Variants in PPP2R1B observed in about 807,000 individuals in gnomAD.
PPP2R1B encodes protein phosphatase 2 scaffold subunit Abeta.
PPP2R1B carries 58 observed loss-of-function variants against 72.7 expected under a neutral mutation model. The ratio of observed to expected loss-of-function variants is 0.80; its 90% confidence interval spans 0.65 to 0.99. The LOEUF (loss-of-function observed/expected upper bound fraction) is 0.99, where lower values mean the gene tolerates loss of function less well. Among genes scored for constraint, PPP2R1B ranks in the 50% least tolerant of loss-of-function variants. PPP2R1B has a pLI of 0.00. For missense variants in PPP2R1B, 695 were observed against 733.6 expected (o/e 0.95, Z 0.61); for synonymous variants, 256 against 264.6 (o/e 0.97, Z 0.32).
intron 12 of PPP2R1B, 92 bp from the exon 13 acceptor site, chr11:111,742,757 A>G (rs1944569261): frequency 1.7e-6 from 2 of 1,200,192 alleles, no homozygotes; most frequent in East Asian, 2.7e-5. Context: ...AAAATAATTG[A>G]CCAATAGGAA....
At chr11:111,737,561 G>A (rs762648348), downstream of PPP2R1B, 6 of 1,614,170 alleles carry the variant, frequency 3.7e-6, no homozygotes, top group South Asian at 3.3e-5. Flanking sequence ...CTCAGCCTTT[G>A]TGCCACCACT....
chr11:111,740,960 C>A lies in PPP2R1B; in HGVS notation c.*636G>T, dbSNP rs1944496614. The A allele has an allele frequency of 5.1e-6, 5 of 985,318 alleles. No homozygotes were observed. In the South Asian group the frequency reaches 1.4e-4, roughly 28 times the overall value. The allele number at this position is 985,318 out of a possible 1,614,324, so 61.0% of individuals were successfully genotyped here. ...ATCACACATTAGCAGCAAGATGCAG[C>A]CACACTTCAGGTTTCTGAATGACAT... On this transcript the variant is annotated 3_prime_UTR_variant, in exon 15 of 15. Coordinates refer to ENST00000527614, the MANE Select transcript of PPP2R1B (RefSeq NM_002716.5).
rs1349791665 is a variant in PPP2R1B, at chr11:111,760,327, C to T, written c.540-376G>A. Among the ~76,000 whole-genome samples, 4 of 152,186 alleles carry T rather than the reference C, an allele frequency of 2.6e-5. No homozygotes were observed. The South Asian group carries it at 6.2e-4, about 24-fold the overall frequency. ...CCTTCTGAGTAGCTAGAAATACAGGCGGGTCCCACCATGCCCAGCTAATTT... is the reference window on the plus strand; with the variant it reads ...CCTTCTGAGTAGCTAGAAATACAGGTGGGTCCCACCATGCCCAGCTAATTT... On this transcript the variant is annotated intron_variant, in intron 4 of 14. Transcript: ENST00000527614.
rs1344892686 is a variant in PPP2R1B at position 111,739,309 on chromosome 11, T to A, written c.*2287A>T. 1 of 978,132 alleles carries A rather than the reference T, an allele frequency of 1.0e-6. No individual in the cohort carries two copies. Among genetic ancestry groups the A allele is most frequent in the Admixed American group, 6.3e-5 (1 of 15,954 alleles). The allele number at this position is 978,132 out of a possible 1,614,324, so 60.6% of individuals were successfully genotyped here. On this transcript the variant is annotated 3_prime_UTR_variant, in exon 15 of 15. Transcript: ENST00000527614. ...TCCTAAAGCCTATATTCCAGTGAAA[T>A]CAAGATAGGAGAACTTTTCCCTTAA...
chr11:111,737,301 G>A (rs575279066), downstream of PPP2R1B: 987 of 1,208,396 alleles, frequency 8.2e-4, 3 homozygotes, highest in South Asian at 1.5e-3. Context: ...ATCTACTCCC[G>A]GCCCTTAAAA....
intron 13 of PPP2R1B, 178 bp from the exon 14 acceptor site, chr11:111,742,322 A>ACCG: frequency 1.5e-6 from 1 of 675,986 alleles, no homozygotes; most frequent in Non-Finnish European, 2.3e-6. Context: ...AGCTTCAGAC[A>ACCG]AGGATCTACA....
Position 111,742,132 on chromosome 11 carries a change from T to C in PPP2R1B, c.1710A>G (p.Gly570=). 1 of 1,612,616 alleles carries C rather than the reference T, an allele frequency of 6.2e-7. No homozygotes were observed. The highest frequency in any genetic ancestry group is 1.7e-5 in the Admixed American group (1 of 60,026). ...GPILDTNALQ[G]EVKPVLQKLG... is the part of the protein sequence containing the mutation. ...ACTTCTGTAGTACTGGCTTCACTTC[T>C]CCCTGTAAAGCACTGACATTCAAAA... Residue 570 remains glycine (G), a synonymous_variant, in exon 14 of 15, where the codon GGA becomes GGG. Transcript: ENST00000527614.
the PPP2R1B span, among the ~76,000 whole-genome samples, chr11:111,717,433 TCAA>T: frequency 6.1e-5 from 9 of 146,554 alleles, no homozygotes; most frequent in Middle Eastern, 3.4e-3. Context: ...TATTAAAAAG[TCAA>T]CAACAACAGA....
intron 6 of PPP2R1B, 70 bp downstream of exon 6, chr11:111,755,225 C>T: frequency 6.5e-7 from 1 of 1,546,210 alleles, no homozygotes; most frequent in Non-Finnish European, 8.7e-7. Flanking sequence ...AATTCAGAAA[C>T]TTTGGGTACA....
the PPP2R1B span, chr11:111,720,059 A>G: frequency 1.2e-5 from 19 of 1,534,806 alleles, no homozygotes; most frequent in African/African-American, 8.2e-5. Context: ...TCATACTCCA[A>G]TTGCCAACAA....
At chr11:111,703,151 C>A in the PPP2R1B span, 1 of 1,547,130 alleles carries the variant, frequency 6.5e-7, no homozygotes. Context: ...AGCAAATAAC[C>A]CTGAAGTGCA....
chr11:111,719,413 C>T, the PPP2R1B span, among the ~76,000 whole-genome samples: 23 of 132,950 alleles, frequency 1.7e-4, no homozygotes, highest in African/African-American at 6.2e-4. Flanking sequence ...AAAAACAACT[C>T]ATCTTCCCCC....
downstream of PPP2R1B, among the ~76,000 whole-genome samples, chr11:111,723,105 A>G (rs1943854506): frequency 6.6e-6 from 1 of 152,224 alleles, no homozygotes; most frequent in Non-Finnish European, 1.5e-5. Flanking sequence ...GTGTGCCCAC[A>G]GCCTCGCTAG....
At chr11:111,737,460 C>T (rs116343261), downstream of PPP2R1B, 8 of 1,614,262 alleles carry the variant, frequency 5.0e-6, no homozygotes, top group East Asian at 1.8e-4. Flanking sequence ...TCCCCATGTC[C>T]TCTCCAGGCA....
At position 111,738,149 on chromosome 11, in the gene PPP2R1B, G is replaced by GA. The variant is rs1303764374; in HGVS notation, c.*3446dup. On this transcript the variant is annotated 3_prime_UTR_variant, in exon 15 of 15. Transcript: ENST00000527614. ...AACAGGAATACTGGAGAATCAAAGGGAAACAGTTACATCACATCAGACTGC... is the reference window on the plus strand; with the variant it reads ...AACAGGAATACTGGAGAATCAAAGGGAAAACAGTTACATCACATCAGACTGC... 6.1e-6 allele frequency: 6 copies of GA among 987,268 alleles called. No individual in the cohort carries two copies. The African/African-American group carries it at 1.0e-4, about 17-fold the overall frequency. 61.2% of individuals were successfully genotyped at this position (987,268 alleles called of 1,614,324 possible).
downstream of PPP2R1B, chr11:111,723,704 C>A (rs1476387695): frequency 1.9e-6 from 3 of 1,614,054 alleles, no homozygotes; most frequent in Non-Finnish European, 2.5e-6. Context: ...CGAGCAGATG[C>A]AATACAGCCC....
chr11:111,726,913 T>C (rs1943986655), exon 16 of PPP2R1B: 2 of 1,576,752 alleles, frequency 1.3e-6, no homozygotes. Context: ...CGGCAAAAAG[T>C]GCAATATGTG....
At chr11:111,750,066 T>C (rs1389889511) in intron 10 of PPP2R1B, among the ~76,000 whole-genome samples, 4 of 152,126 alleles carry the variant, frequency 2.6e-5, no homozygotes, top group Non-Finnish European at 5.9e-5. Context: ...GATGACAAAA[T>C]AACTTCACCT....
the PPP2R1B span, among the ~76,000 whole-genome samples, chr11:111,693,043 C>T: frequency 6.6e-6 from 1 of 152,068 alleles, no homozygotes; most frequent in East Asian, 1.9e-4. Context: ...TGGGTAAAAA[C>T]TTGAGACAGG....
Sources: allele counts gnomAD v4.1 joint callset (sites outside exome capture counted in the v4.1 genomes callset), GRCh38; gene constraint gnomAD v4.1.1; transcripts MANE v1.5; gene names NCBI Gene and HGNC (gene_info 2026-07-23, HGNC 2026-07-21).